The following RASSF2 variants were observed in gnomAD, a reference collection of about 807,000 sequenced individuals.
The protein encoded by RASSF2 is Ras association domain family member 2.
RASSF2 carries 34 observed loss-of-function variants against 46.3 expected under a neutral mutation model. That is an observed-to-expected ratio of 0.73 (90% CI 0.56 to 0.98). The LOEUF (loss-of-function observed/expected upper bound fraction) is 0.98, where lower values mean the gene tolerates loss of function less well. Among genes scored for constraint, RASSF2 ranks in the 50% least tolerant of loss-of-function variants. RASSF2 has a pLI of 0.00. For synonymous variants in RASSF2, 158 were observed against 162.5 expected, an observed-to-expected ratio of 0.97 and a Z score of 0.21; for missense variants, 364 against 431.2, an observed-to-expected ratio of 0.84 and a Z score of 1.38.
At chr20:4,805,103 A>G (rs1927239996) in intron 2 of RASSF2, among the ~76,000 whole-genome samples, 1 of 152,010 alleles carries the variant, frequency 6.6e-6, no homozygotes, top group African/African-American at 2.4e-5. Flanking sequence ...GGGCCATGTG[A>G]GTGTGGAGGA....
At chr20:4,821,843 T>C (rs1382146336) in intron 2 of RASSF2, among the ~76,000 whole-genome samples, 2 of 134,832 alleles carry the variant, frequency 1.5e-5, no homozygotes, top group Non-Finnish European at 3.2e-5. Context: ...TGCCACAGCC[T>C]AGGCATCAGG....
chr20:4,808,127 A>G (rs1601123953), intron 2 of RASSF2, among the ~76,000 whole-genome samples: 1 of 152,162 alleles, frequency 6.6e-6, no homozygotes, highest in African/African-American at 2.4e-5. Flanking sequence ...TCAACTGGAC[A>G]CTTCCTCCAG....
At chr20:4,789,409 A>C (rs1340198854) in intron 8 of RASSF2, among the ~76,000 whole-genome samples, 187 bp downstream of exon 8, 3 of 152,172 alleles carry the variant, frequency 2.0e-5, no homozygotes, top group Non-Finnish European at 4.4e-5. Flanking sequence ...ATTTCTAACA[A>C]GCACCCAGGT....
intron 11 of RASSF2, among the ~76,000 whole-genome samples, chr20:4,785,681 G>A (rs1925264734): frequency 6.6e-6 from 1 of 152,170 alleles, no homozygotes; most frequent in Non-Finnish European, 1.5e-5. Context: ...CAGCCTTCCT[G>A]AAATCCCTGG....
intron 2 of RASSF2, among the ~76,000 whole-genome samples, chr20:4,801,437 A>C (rs6139556): frequency 0.19 from 28,500 of 152,086 alleles, 3,224 homozygotes; most frequent in East Asian, 0.33. Context: ...GATTCTACTG[A>C]GGTCTACTGA....
Position 4,781,828 on chromosome 20 carries a change from G to A in RASSF2, c.*2445C>T, listed in dbSNP as rs1262854685. ...GCAATTACATAAACTCCCACAAATC[G>A]GTCGAAGAGTTCAAAACTGCAAGAC... On this transcript the variant is annotated 3_prime_UTR_variant, in exon 12 of 12. Transcript: ENST00000379400. 6.6e-6 allele frequency: 1 copy of A among 152,174 alleles called. No homozygotes were observed. Among genetic ancestry groups the A allele is most frequent in the Non-Finnish European group, 1.5e-5 (1 of 68,048 alleles). 9.4% of individuals were successfully genotyped at this position (152,174 alleles called of 1,614,324 possible). A position where few individuals can be genotyped will look rare whatever the true frequency, so the allele number is the denominator to read the frequency against.
At chr20:4,802,394 C>T (rs1926945450) in intron 2 of RASSF2, among the ~76,000 whole-genome samples, 3 of 152,130 alleles carry the variant, frequency 2.0e-5, no homozygotes, top group South Asian at 4.1e-4. Context: ...AATCACATTA[C>T]TCACAACAGC....
In RASSF2 at chr20:4,812,666, G is replaced by A. The variant is rs1927918609; in HGVS notation, c.-33+9663C>T. ...AGGTGCAGTTCTAATAAGCGCCCAG[G>A]GCTGCTGCTGATGCTGCTGGTGGTA... On this transcript the variant is annotated intron_variant, in intron 2 of 11. Transcript: ENST00000379400. The surrounding 1 kb of genome is among the most constrained non-coding windows in gnomAD (Gnocchi z 4.0). Among the ~76,000 whole-genome samples the A allele has an allele frequency of 6.6e-6, 1 of 152,162 alleles. No homozygotes were observed. The highest frequency in any genetic ancestry group is 6.5e-5 in the Admixed American group (1 of 15,284).
At chr20:4,787,232 A>G (rs1013185157) in intron 10 of RASSF2, among the ~76,000 whole-genome samples, 3 of 152,074 alleles carry the variant, frequency 2.0e-5, no homozygotes, top group African/African-American at 4.8e-5. Flanking sequence ...ACCAAATCTG[A>G]GTGGAGGCTT....
At chr20:4,800,222 G>A (rs1159712104) in intron 3 of RASSF2, among the ~76,000 whole-genome samples, 1 of 152,168 alleles carries the variant, frequency 6.6e-6, no homozygotes, top group Non-Finnish European at 1.5e-5. Context: ...AGAGACTTTA[G>A]TGCACAGAAA....
rs1048112272 is a variant in RASSF2, at chr20:4,790,471, C to T, written c.517G>A (p.Gly173Ser). The change falls in exon 7 of 12, where the codon GGC becomes AGC. Residue 173 changes from glycine to serine, a missense_variant. Transcript: ENST00000379400. The surrounding 1 kb of genome is among the most constrained non-coding windows in gnomAD (Gnocchi z 4.3). ...RIRRHRFSIN[G>S]HFYNHKTSVF... ...CTTACCTTATGGTTGTAGAAATGGC[C>T]GTTGATGGAGAAGCGGTGGCGTCTG... The T allele has an allele frequency of 4.7e-6, 7 of 1,492,392 alleles. No homozygotes were observed. Among genetic ancestry groups the T allele is most frequent in the African/African-American group, 4.4e-5 (3 of 68,116 alleles). 92.4% of individuals were successfully genotyped at this position (1,492,392 alleles called of 1,614,324 possible).
At chr20:4,787,492 G>T in intron 10 of RASSF2, 141 bp downstream of exon 10, 1 of 1,016,306 alleles carries the variant, frequency 9.8e-7, no homozygotes, top group Non-Finnish European at 1.4e-6. Flanking sequence ...GCAAAAGCTG[G>T]CTTCGAGAGA....
Position 4,790,358 on chromosome 20 carries a change from G to T in RASSF2, c.537+93C>A. 7.7e-7 allele frequency: 1 copy of T among 1,301,632 alleles called. No homozygotes were observed. The highest frequency in any genetic ancestry group is 1.0e-6 in the Non-Finnish European group (1 of 1,000,374). 80.6% of individuals were successfully genotyped at this position (1,301,632 alleles called of 1,614,324 possible). A position where few individuals can be genotyped will look rare whatever the true frequency, so the allele number is the denominator to read the frequency against. ...CAGCAGCAAACACTTGGCTTCCCAG[G>T]CATCCACACCACCCACCATATGGCT... On this transcript the variant is annotated intron_variant, in intron 7 of 11. Transcript: ENST00000379400. This position sits in a 1 kb window ranked among gnomAD's most constrained non-coding sequence, Gnocchi z 4.3.
chr20:4,800,558 G>A (rs1433281653), intron 3 of RASSF2, among the ~76,000 whole-genome samples: 2 of 152,148 alleles, frequency 1.3e-5, no homozygotes, highest in African/African-American at 2.4e-5. Flanking sequence ...AGGGTACTTA[G>A]ATCTAATCAC....
At chr20:4,794,827 A>C (rs1046460340) in intron 5 of RASSF2, among the ~76,000 whole-genome samples, 1 of 152,144 alleles carries the variant, frequency 6.6e-6, no homozygotes, top group African/African-American at 2.4e-5. Flanking sequence ...GTGGGCAACA[A>C]TTTTCCTCCT....
chr20:4,784,479 A>T (rs1925116435), intron 11 of RASSF2, 137 bp from the exon 12 acceptor site: 5 of 691,380 alleles, frequency 7.2e-6, no homozygotes, highest in Non-Finnish European at 1.3e-5. Flanking sequence ...TGCTTCCATT[A>T]CTGACCCCTC....
At position 4,783,586 on chromosome 20, in the gene RASSF2, A is replaced by G. The variant is rs925394765; in HGVS notation, c.*687T>C. The G allele has an allele frequency of 6.6e-6, 1 of 152,658 alleles. No individual in the cohort carries two copies. The highest frequency in any genetic ancestry group is 1.5e-5 in the Non-Finnish European group (1 of 68,074). The allele number at this position is 152,658 out of a possible 1,614,324, so 9.5% of individuals were successfully genotyped here. On this transcript the variant is annotated 3_prime_UTR_variant, in exon 12 of 12. Coordinates refer to ENST00000379400, the MANE Select transcript of RASSF2 (RefSeq NM_014737.3). Reference sequence around the variant, plus strand: ...TATGTCTTTGTCATTTAAAACAATCAACGTTTCCAGTGTAAAAATACGTGG... The same window carrying G: ...TATGTCTTTGTCATTTAAAACAATCGACGTTTCCAGTGTAAAAATACGTGG...
At chr20:4,796,621 T>C (rs188613139) in intron 4 of RASSF2, among the ~76,000 whole-genome samples, 1 of 151,998 alleles carries the variant, frequency 6.6e-6, no homozygotes, top group Admixed American at 6.6e-5. Context: ...CTTGCAGGAG[T>C]CCCCAATTTA....
chr20:4,801,086 A>G (rs1394403403), intron 2 of RASSF2, 24 bp from the exon 3 acceptor site: 1 of 1,587,576 alleles, frequency 6.3e-7, no homozygotes, highest in Non-Finnish European at 8.6e-7. Flanking sequence ...GAGAAGACAG[A>G]GGTTAAAGTC....
Sources: allele counts gnomAD v4.1 joint callset (sites outside exome capture counted in the v4.1 genomes callset), GRCh38; gene constraint gnomAD v4.1.1; non-coding constraint Gnocchi (gnomAD v3.1); transcripts MANE v1.5; gene names NCBI Gene and HGNC (gene_info 2026-07-23, HGNC 2026-07-21).